RAD51B: variants seen among roughly 807,000 people sequenced by gnomAD.
RAD51B encodes the protein RAD51 paralog B, also known as DNA repair protein RAD51 homolog 2.
A neutral mutation model predicts 42.2 loss-of-function variants in RAD51B; 38 were observed. The observed-to-expected ratio is 0.90, with a 90% CI of 0.70 to 1.18. The LOEUF is 1.18. RAD51B is among the 50% of genes most tolerant of loss of function. RAD51B has a pLI of 0.00. For missense variants in RAD51B, 373 were observed against 400.7 expected (o/e 0.93, Z 0.59); for synonymous variants, 154 against 145.2 (o/e 1.06, Z -0.43).
rs768576952 is a variant in RAD51B, at chr14:67,823,596, G to A, written c.53G>A (p.Arg18His). The A allele has an allele frequency of 1.2e-5, 20 of 1,613,570 alleles. No individual in the cohort carries two copies. The highest frequency in any genetic ancestry group is 4.0e-5 in the African/African-American group (3 of 74,970). The change falls in exon 2 of 11, where the codon CGT (arginine) becomes CAT (histidine). Residue 18 changes from arginine to histidine, a missense_variant. Arg to His is a conservative substitution (Grantham distance 29). Coordinates refer to ENST00000471583, the MANE Select transcript of RAD51B (RefSeq NM_133510.4). ...RVGLSQELCD[R>H]LSRHQILTCQ... ...GGTTTATCACAAGAGCTGTGTGACC[G>A]TCTGAGTAGACATCAGATCCTTACC...
chr14:68,489,833 A>G (rs375185620), intron 10 of RAD51B, among the ~76,000 whole-genome samples: 1 of 152,294 alleles, frequency 6.6e-6, no homozygotes, highest in Admixed American at 6.5e-5. Context: ...AATTATGATA[A>G]ATTTCAACAT....
At position 68,245,489 on chromosome 14, in the gene RAD51B, G is replaced by C. The variant is rs117322156; in HGVS notation, c.757-46395G>C. ...CTTTTCAAGTCAGCTTTCCACCAGA[G>C]CTTCCCAAGAACAGAGAGGCCTGCC... On this transcript the variant is annotated intron_variant, in intron 7 of 10. Coordinates refer to ENST00000471583, the MANE Select transcript of RAD51B (RefSeq NM_133510.4). 8.2e-3 allele frequency among the ~76,000 whole-genome samples: 1,246 copies of C among 152,312 alleles called. 4 individuals are homozygous for C. Among genetic ancestry groups the C allele is most frequent in the Non-Finnish European group, 0.011 (723 of 68,020 alleles).
At chr14:68,108,535 T>G (rs1385012056) in intron 7 of RAD51B, among the ~76,000 whole-genome samples, 1 of 151,940 alleles carries the variant, frequency 6.6e-6, no homozygotes, top group Non-Finnish European at 1.5e-5. Context: ...ATAATTCCTT[T>G]TATACAAAAT....
chr14:67,866,677 G>A (rs1226149127), intron 5 of RAD51B, among the ~76,000 whole-genome samples: 1 of 152,118 alleles, frequency 6.6e-6, no homozygotes, highest in East Asian at 1.9e-4. Context: ...CAATGAATTG[G>A]GTGATATCAG....
chr14:67,999,851 T>C (rs2075449521), intron 7 of RAD51B, among the ~76,000 whole-genome samples: 1 of 152,156 alleles, frequency 6.6e-6, no homozygotes, highest in Non-Finnish European at 1.5e-5. Context: ...AGGGTTTTGA[T>C]ATGTGTTAGA....
chr14:68,662,937 G>T (rs1892962790), intron 11 of RAD51B, among the ~76,000 whole-genome samples: 1 of 152,150 alleles, frequency 6.6e-6, no homozygotes, highest in South Asian at 2.1e-4. Flanking sequence ...TGACCTTGTG[G>T]ACCGCATTAC....
intron 7 of RAD51B, among the ~76,000 whole-genome samples, chr14:68,039,656 T>C (rs1194613938): frequency 6.6e-6 from 1 of 152,162 alleles, no homozygotes; most frequent in South Asian, 2.1e-4. Context: ...TACAGCAAAA[T>C]TGTAAGAATG....
In RAD51B at chr14:68,578,468, T is replaced by C. The variant is rs181561315; in HGVS notation, c.1037-16017T>C. 6.2e-4 allele frequency among the ~76,000 whole-genome samples: 94 copies of C among 152,250 alleles called. 1 individual carries two copies. Among genetic ancestry groups the C allele is most frequent in the Admixed American group, 1.2e-3 (18 of 15,298 alleles). ...AGTAATTTCCCCGCCATGGATGATA[T>C]GACATGGCAGCTTTCATGGAGGTTT... On this transcript the variant is annotated intron_variant, in intron 10 of 10. Transcript: ENST00000487270.
intron 7 of RAD51B, among the ~76,000 whole-genome samples, chr14:68,253,465 A>T (rs761272388): frequency 6.6e-6 from 1 of 152,174 alleles, no homozygotes; most frequent in Non-Finnish European, 1.5e-5. Context: ...TAAGGCTATT[A>T]ACCTTTTGTC....
intron 8 of RAD51B, among the ~76,000 whole-genome samples, chr14:68,317,823 T>A (rs898903114): frequency 6.6e-6 from 1 of 152,222 alleles, no homozygotes; most frequent in African/African-American, 2.4e-5. Context: ...AGAAGAAAGA[T>A]GTGAGCAAAG....
intron 7 of RAD51B, among the ~76,000 whole-genome samples, chr14:68,099,730 C>T (rs2077256858): frequency 6.6e-6 from 1 of 152,172 alleles, no homozygotes; most frequent in South Asian, 2.1e-4. Context: ...GGAATGACAA[C>T]CCAACCAAGT....
intron 7 of RAD51B, among the ~76,000 whole-genome samples, chr14:68,150,772 G>A (rs1037985659): frequency 2.6e-5 from 4 of 152,072 alleles, no homozygotes; most frequent in Non-Finnish European, 5.9e-5. Flanking sequence ...CATAGGATTT[G>A]ACAGTATATA....
intron 8 of RAD51B, among the ~76,000 whole-genome samples, chr14:68,329,344 T>C (rs1264648229): frequency 2.6e-5 from 4 of 152,192 alleles, no homozygotes; most frequent in African/African-American, 7.2e-5. Context: ...CTGTCACTTA[T>C]AACCCAAACT....
intron 10 of RAD51B, among the ~76,000 whole-genome samples, chr14:68,516,606 T>C (rs1050625129): frequency 7.9e-5 from 12 of 152,232 alleles, no homozygotes; most frequent in Non-Finnish European, 1.5e-4. Flanking sequence ...ACTCAACCAA[T>C]AGTAGATTAC....
At chr14:68,241,094 A>G (rs2080374308) in intron 7 of RAD51B, among the ~76,000 whole-genome samples, 1 of 152,190 alleles carries the variant, frequency 6.6e-6, no homozygotes, top group Admixed American at 6.5e-5. Context: ...CTTTCCCTTT[A>G]AAATGTGGCT....
At chr14:68,587,543 C>G (rs185954897) in intron 10 of RAD51B, among the ~76,000 whole-genome samples, 3 of 152,230 alleles carry the variant, frequency 2.0e-5, no homozygotes, top group Admixed American at 2.0e-4. Flanking sequence ...ACCCCTAATT[C>G]CTCTGCTGGT....
Position 68,066,453 on chromosome 14 carries a change from G to A in RAD51B, c.756+179249G>A, listed in dbSNP as rs576861979. On this transcript the variant is annotated intron_variant, in intron 7 of 10. Transcript: ENST00000471583. ...TTTTAAACTAACATTGTTAGAATTAGGGAGAAGATGGTTCATTTATAGGAA... is the reference window on the plus strand; with the variant it reads ...TTTTAAACTAACATTGTTAGAATTAAGGAGAAGATGGTTCATTTATAGGAA... 8.5e-5 allele frequency among the ~76,000 whole-genome samples: 13 copies of A among 152,230 alleles called. No individual in the cohort carries two copies. The South Asian group carries it at 1.7e-3, about 19-fold the overall frequency.
chr14:68,461,125 G>T (rs1284028871), intron 9 of RAD51B, among the ~76,000 whole-genome samples: 1 of 152,016 alleles, frequency 6.6e-6, no homozygotes, highest in Non-Finnish European at 1.5e-5. Context: ...AGAGAGTACA[G>T]ATAAAGTATG....
chr14:67,934,387 T>C (rs568530161), intron 7 of RAD51B, among the ~76,000 whole-genome samples: 8 of 152,162 alleles, frequency 5.3e-5, no homozygotes, highest in Non-Finnish European at 8.8e-5. Flanking sequence ...ACAGGCGTAC[T>C]GTGAAGGAAG....
Sources: gnomAD v4.1 joint callset for allele counts (sites outside exome capture counted in the v4.1 genomes callset) on GRCh38, gnomAD v4.1.1 for gene constraint, MANE v1.5 for transcripts, NCBI Gene and HGNC (gene_info 2026-07-23, HGNC 2026-07-21) for gene names.